The following HEATR6 variants were observed in gnomAD, a reference collection of about 807,000 sequenced individuals.
The protein encoded by HEATR6 is HEAT repeat containing 6.
A neutral mutation model predicts 132.8 loss-of-function variants in HEATR6; 106 were observed. The observed-to-expected ratio is 0.80, with a 90% CI of 0.68 to 0.94. The LOEUF is 0.94. Among genes scored for constraint, HEATR6 ranks in the 40% least tolerant of loss-of-function variants. The pLI is 0.00. For missense variants in HEATR6, 1,339 were observed against 1,425.1 expected, an observed-to-expected ratio of 0.94 and a Z score of 0.97; for synonymous variants, 529 against 537.8, an observed-to-expected ratio of 0.98 and a Z score of 0.23.
intron 19 of HEATR6, among the ~76,000 whole-genome samples, 170 bp downstream of exon 19, chr17:60,045,855 T>C (rs1447221229): frequency 1.3e-5 from 2 of 152,226 alleles, no homozygotes; most frequent in Non-Finnish European, 2.9e-5. Flanking sequence ...ATATATCCCA[T>C]TGTATAGGTA....
At position 60,044,009 on chromosome 17, in the gene HEATR6, C is replaced by G; in HGVS notation, c.3100G>C (p.Gly1034Arg). ...ATCCGAGCATACTGGTCAACAGACCCGTACTGCTCTCTCTTCCCCGGGACG... is the reference window on the plus strand; with the variant it reads ...ATCCGAGCATACTGGTCAACAGACCGGTACTGCTCTCTCTTCCCCGGGACG... ...LSVPGKREQY[G>R]SVDQYARIWN... The change falls in exon 20 of 20, where the codon GGG becomes CGG. Residue 1034 changes from glycine (G) to arginine (R), a missense_variant. Gly to Arg is a moderately radical substitution (Grantham distance 125). Transcript: ENST00000184956. 1 of 1,614,160 alleles carries G rather than the reference C, an allele frequency of 6.2e-7. No homozygotes were observed. The highest frequency in any genetic ancestry group is 8.5e-7 in the Non-Finnish European group (1 of 1,180,030).
rs761191743 is a variant in HEATR6 at position 60,043,642 on chromosome 17, C to T, written c.3467G>A (p.Gly1156Asp). ...AACGGCCAGGATCTCTTCTAAAAAG[C>T]CCATGATGGCCCTTCTGGCTGTGTC... The part of the protein sequence containing the change: ...TGDTARRAIM[G>D]FLEEILAVCF... The change falls in exon 20 of 20, where the codon GGC (glycine) becomes GAC (aspartate). Residue 1156 changes from glycine to aspartate, a missense_variant. Physicochemically the swap from Gly to Asp is moderately conservative, Grantham distance 94. Coordinates refer to ENST00000184956, the MANE Select transcript of HEATR6 (RefSeq NM_022070.5). 3 of 1,614,136 alleles carry T rather than the reference C, an allele frequency of 1.9e-6. No individual in the cohort carries two copies. The highest frequency in any genetic ancestry group is 2.5e-6 in the Non-Finnish European group (3 of 1,180,034).
intron 9 of HEATR6, among the ~76,000 whole-genome samples, chr17:60,065,975 G>T (rs1452389539): frequency 6.6e-6 from 1 of 152,238 alleles, no homozygotes; most frequent in Admixed American, 6.5e-5. Context: ...AGAATTCAGT[G>T]TGCTCAGGCT....
In HEATR6 at chr17:60,043,595, G is replaced by A. The variant is rs777662012; in HGVS notation, c.3514C>T (p.Gln1172Ter). The A allele has an allele frequency of 1.2e-6, 2 of 1,613,502 alleles. No homozygotes were observed. Among genetic ancestry groups the A allele is most frequent in the African/African-American group, 1.3e-5 (1 of 74,894 alleles). Residue 1172 changes from glutamine to a stop codon, truncating the protein, a stop_gained, in exon 20 of 20, where the codon CAA (glutamine) becomes TAA (stop). Transcript: ENST00000184956. LOFTEE classifies it high-confidence loss of function. ...LAVCFDSSGS[Q>*]GALPGLTNQ ...TTTGTTAACCCTGGGAGTGCCCCTT[G>A]TGATCCAGATGAGTCAAAACAAACG...
chr17:60,044,387 C>G (rs941067422), intron 19 of HEATR6, among the ~76,000 whole-genome samples: 1 of 152,162 alleles, frequency 6.6e-6, no homozygotes, highest in South Asian at 2.1e-4. Context: ...CCTCTGCTAC[C>G]CAATATAAAG....
Position 60,069,710 on chromosome 17 carries a change from C to A in HEATR6, c.939+1G>T. On this transcript the variant is annotated splice_donor_variant, in intron 7 of 19. Transcript: ENST00000184956. LOFTEE classifies it high-confidence loss of function. ...TTAAATCTAAATAAACATAAATGTA[C>A]CAAAGTTGGTCGAGAAGCACTGGAT... The A allele has an allele frequency of 5.6e-6, 9 of 1,613,344 alleles. No homozygotes were observed. The highest frequency in any genetic ancestry group is 7.6e-6 in the Non-Finnish European group (9 of 1,179,648).
At position 60,078,840 on chromosome 17, in the gene HEATR6, C is replaced by T. The variant is rs748356669; in HGVS notation, c.75G>A (p.Glu25=). 6.3e-6 allele frequency: 10 copies of T among 1,599,904 alleles called. No homozygotes were observed. Among genetic ancestry groups the T allele is most frequent in the Middle Eastern group, 1.7e-4 (1 of 6,014 alleles). The change falls in exon 1 of 20, where the codon GAG becomes GAA. Residue 25 remains glutamate (E), a synonymous_variant. Transcript: ENST00000184956. ...ACAAGAGGCGAAACCCATTGCCTCGCTCAGGGATTGCTTCCCGCGGTGCCT... is the reference window on the plus strand; with the variant it reads ...ACAAGAGGCGAAACCCATTGCCTCGTTCAGGGATTGCTTCCCGCGGTGCCT... ...PREAPREAIP[E]RGNGFRLLSA...
At chr17:60,053,161 ACT>A (rs2145185405) in intron 14 of HEATR6, among the ~76,000 whole-genome samples, 1 of 151,852 alleles carries the variant, frequency 6.6e-6, no homozygotes, top group South Asian at 2.1e-4. Context: ...ATGAGTTCTT[ACT>A]CTGTTATTCA....
intron 12 of HEATR6, 96 bp downstream of exon 12, chr17:60,056,952 G>A (rs990181345): frequency 6.3e-6 from 5 of 790,854 alleles, no homozygotes; most frequent in Non-Finnish European, 1.0e-5. Context: ...GAACACAATT[G>A]ACATATGGCT....
At chr17:60,051,775 T>G (rs978689614) in intron 14 of HEATR6, among the ~76,000 whole-genome samples, 1 of 152,228 alleles carries the variant, frequency 6.6e-6, no homozygotes, top group Non-Finnish European at 1.5e-5. Flanking sequence ...GTGTATGTCA[T>G]GCACCAGTTC....
chr17:60,041,880 CTTAA>C lies in HEATR6; in HGVS notation c.*1679_*1682del, dbSNP rs997361684. Among the ~76,000 whole-genome samples, 19 of 152,300 alleles carry C rather than the reference CTTAA, an allele frequency of 1.2e-4. No individual in the cohort carries two copies. The highest frequency in any genetic ancestry group is 5.2e-4 in the Admixed American group (8 of 15,304). On this transcript the variant is annotated 3_prime_UTR_variant, in exon 20 of 20. Coordinates refer to ENST00000184956, the MANE Select transcript of HEATR6 (RefSeq NM_022070.5). ...CACCAACACCCATTTTTTGTAACTT[CTTAA>C]TTGTCCCACATCAAAGATAAGTATG...
At chr17:60,067,225 C>T (rs1294229491) in intron 8 of HEATR6, among the ~76,000 whole-genome samples, 2 of 147,792 alleles carry the variant, frequency 1.4e-5, no homozygotes, top group African/African-American at 2.5e-5. Flanking sequence ...AGCCGAGATC[C>T]CGCCACTGCA....
At chr17:60,069,138 C>T (rs2083256875) in intron 7 of HEATR6, among the ~76,000 whole-genome samples, 1 of 152,222 alleles carries the variant, frequency 6.6e-6, no homozygotes, top group African/African-American at 2.4e-5. Flanking sequence ...ATGGCAGCTT[C>T]TGGAAAGGCT....
intron 13 of HEATR6, 42 bp downstream of exon 13, chr17:60,056,073 G>A (rs777316762): frequency 2.5e-6 from 4 of 1,604,518 alleles, no homozygotes; most frequent in Admixed American, 3.4e-5. Flanking sequence ...AGGATATAAA[G>A]TGAAGAGAAG....
intron 5 of HEATR6, among the ~76,000 whole-genome samples, chr17:60,071,617 C>T (rs911042532): frequency 2.6e-5 from 4 of 151,992 alleles, no homozygotes; most frequent in Admixed American, 1.3e-4. Flanking sequence ...TAACAGGAAC[C>T]GAATAGATGT....
At chr17:60,056,789 T>C (rs1052790978) in intron 12 of HEATR6, among the ~76,000 whole-genome samples, 1 of 152,168 alleles carries the variant, frequency 6.6e-6, no homozygotes, top group African/African-American at 2.4e-5. Context: ...ATCTATTACA[T>C]CCACTTGTCA....
chr17:60,059,631 GCCC>G (rs374689984), intron 10 of HEATR6, 110 bp from the exon 11 acceptor site: 7 of 728,532 alleles, frequency 9.6e-6, no homozygotes, highest in Admixed American at 2.8e-5. Context: ...CTAAAAATTA[GCCC>G]CCCTTTTTTT....
chr17:60,050,872 T>C lies in HEATR6; in HGVS notation c.2395A>G (p.Ile799Val), dbSNP rs1271331858. 2 of 1,614,212 alleles carry C rather than the reference T, an allele frequency of 1.2e-6. No homozygotes were observed. Among genetic ancestry groups the C allele is most frequent in the African/African-American group, 1.3e-5 (1 of 75,048 alleles). Residue 799 changes from isoleucine (I) to valine (V), a missense_variant, in exon 15 of 20, where the codon ATC (isoleucine) becomes GTC (valine). Coordinates refer to ENST00000184956, the MANE Select transcript of HEATR6 (RefSeq NM_022070.5). Reference protein sequence around the residue: ...QASACDALSSILPEAFSNLPN... With the variant: ...QASACDALSSVLPEAFSNLPN... Reference sequence around the variant, plus strand: ...AGATTGCTGAAGGCCTCTGGCAAGATGGAAGACAGGGCATCACAGGCGCTC... The same window carrying C: ...AGATTGCTGAAGGCCTCTGGCAAGACGGAAGACAGGGCATCACAGGCGCTC...
intron 16 of HEATR6, among the ~76,000 whole-genome samples, chr17:60,049,128 T>C (rs1348065141): frequency 3.4e-5 from 5 of 147,342 alleles, no homozygotes; most frequent in Admixed American, 2.7e-4. Flanking sequence ...AGAGAGTGTG[T>C]GTGTGTGTGT....
Sources: allele counts gnomAD v4.1 joint callset (sites outside exome capture counted in the v4.1 genomes callset), GRCh38; gene constraint gnomAD v4.1.1; transcripts MANE v1.5; gene names NCBI Gene and HGNC (gene_info 2026-07-23, HGNC 2026-07-21).